The following PRKN variants were observed in gnomAD, a reference collection of about 807,000 sequenced individuals.
PRKN encodes parkin RBR E3 ubiquitin protein ligase, also known as E3 ubiquitin-protein ligase parkin.
PRKN carries 56 observed loss-of-function variants against 59.5 expected under a neutral mutation model. The observed-to-expected ratio is 0.94, with a 90% CI of 0.76 to 1.18. PRKN has a LOEUF of 1.18. PRKN is among the 50% of genes most tolerant of loss of function. The pLI, the probability that PRKN is intolerant of heterozygous loss-of-function variation, is 0.00. For missense variants in PRKN, 657 were observed against 596.4 expected (o/e 1.10, Z -1.06); for synonymous variants, 250 against 222.1 (o/e 1.13, Z -1.12).
intron 9 of PRKN, among the ~76,000 whole-genome samples, chr6:161,477,386 A>G (rs9346858): frequency 0.58 from 87,505 of 151,292 alleles, 26,519 homozygotes; most frequent in Middle Eastern, 0.71. Flanking sequence ...GCGTGGTGGC[A>G]CATGCCTATA....
intron 3 of PRKN, among the ~76,000 whole-genome samples, chr6:162,206,129 C>CA (rs1356456654): frequency 6.6e-6 from 1 of 152,136 alleles, no homozygotes; most frequent in African/African-American, 2.4e-5. Context: ...TTCTCGCCAT[C>CA]ATGTGCCCTT....
At chr6:161,374,645 G>A in intron 10 of PRKN, among the ~76,000 whole-genome samples, 1 of 150,958 alleles carries the variant, frequency 6.6e-6, no homozygotes, top group Non-Finnish European at 1.5e-5. Context: ...TATGTGTGGT[G>A]TGTGTGTATG....
chr6:162,013,685 A>T (rs1242233188), intron 5 of PRKN, among the ~76,000 whole-genome samples: 1 of 152,200 alleles, frequency 6.6e-6, no homozygotes, highest in Non-Finnish European at 1.5e-5. Context: ...TGACACTGAT[A>T]AATCTGACTC....
intron 1 of PRKN, among the ~76,000 whole-genome samples, chr6:162,530,763 T>C (rs1022051556): frequency 6.6e-6 from 1 of 152,102 alleles, no homozygotes. Flanking sequence ...GAAAAGTAAG[T>C]TAAAAAGTAT....
chr6:161,739,743 AT>A (rs1346491508), intron 7 of PRKN, among the ~76,000 whole-genome samples: 2 of 151,088 alleles, frequency 1.3e-5, no homozygotes, highest in Non-Finnish European at 3.0e-5. Flanking sequence ...ACATGTAACA[AT>A]TTTTTTTCTT....
At chr6:162,211,649 A>G (rs1265648212) in intron 3 of PRKN, among the ~76,000 whole-genome samples, 1 of 152,188 alleles carries the variant, frequency 6.6e-6, no homozygotes, top group Non-Finnish European at 1.5e-5. Flanking sequence ...TTCTTTGTTC[A>G]TCTTCAATAG....
chr6:162,209,442 A>G (rs1056439655), intron 3 of PRKN, among the ~76,000 whole-genome samples: 1 of 152,206 alleles, frequency 6.6e-6, no homozygotes, highest in Non-Finnish European at 1.5e-5. Context: ...ATCACTAAAA[A>G]GTCAGAAAAC....
chr6:162,197,852 T>C (rs776430609), intron 4 of PRKN, among the ~76,000 whole-genome samples: 2 of 152,212 alleles, frequency 1.3e-5, no homozygotes, highest in Admixed American at 1.3e-4. Flanking sequence ...CGAATACAAA[T>C]GCTATTTATT....
rs1165112634 is a variant in PRKN, at chr6:161,525,220, C to T, written c.1083+23634G>A. On this transcript the variant is annotated intron_variant, in intron 9 of 11. Transcript: ENST00000366898. The surrounding 1 kb of genome is among the most constrained non-coding windows in gnomAD (Gnocchi z 4.7). ...GCCATAAGGATATATAGTATAAAGC[C>T]ATCCTTTATAAAACAGGACAACAAA... Among the ~76,000 whole-genome samples the T allele has an allele frequency of 6.6e-6, 1 of 151,768 alleles. No homozygotes were observed. The highest frequency in any genetic ancestry group is 2.4e-5 in the African/African-American group (1 of 41,296).
intron 1 of PRKN, among the ~76,000 whole-genome samples, chr6:162,546,604 C>T (rs896812118): frequency 4.6e-5 from 7 of 151,742 alleles, no homozygotes; most frequent in African/African-American, 7.3e-5. Context: ...CCACCACGCC[C>T]GGCTAATTTT....
At chr6:161,871,499 A>G (rs1416730524) in intron 6 of PRKN, among the ~76,000 whole-genome samples, 1 of 152,138 alleles carries the variant, frequency 6.6e-6, no homozygotes, top group African/African-American at 2.4e-5. Context: ...AGGATGTTGC[A>G]CTCTACTTTA....
rs191907487 is a variant in PRKN, at chr6:161,716,615, G to C, written c.871+69157C>G. ...TTTTATGTGCAAGGTGTCTCAAGAG[G>C]GGGGGAAAAGAAACAAAGGCTATGT... On this transcript the variant is annotated intron_variant, in intron 7 of 11. Coordinates refer to ENST00000366898, the MANE Select transcript of PRKN (RefSeq NM_004562.3). Among the ~76,000 whole-genome samples, 49 of 152,306 alleles carry C rather than the reference G, an allele frequency of 3.2e-4. 1 individual carries two copies. The highest frequency in any genetic ancestry group is 3.4e-3 in the Middle Eastern group (1 of 294).
At chr6:162,208,187 C>T (rs1453898918) in intron 3 of PRKN, among the ~76,000 whole-genome samples, 3 of 152,200 alleles carry the variant, frequency 2.0e-5, no homozygotes, top group Non-Finnish European at 4.4e-5. Context: ...TCACTCCAAA[C>T]CTTGTCCAAT....
chr6:162,513,916 C>T (rs146984875), intron 1 of PRKN, among the ~76,000 whole-genome samples: 4 of 151,830 alleles, frequency 2.6e-5, no homozygotes, highest in African/African-American at 9.7e-5. Flanking sequence ...TATGGTGATG[C>T]GTGCCTGTAG....
chr6:161,484,746 C>G lies in PRKN; in HGVS notation c.1083+64108G>C, dbSNP rs187694965. 1.9e-4 allele frequency among the ~76,000 whole-genome samples: 29 copies of G among 152,304 alleles called. No homozygotes were observed. In the East Asian group the frequency reaches 5.2e-3, roughly 27 times the overall value. On this transcript the variant is annotated intron_variant, in intron 9 of 11. Transcript: ENST00000366898. This position sits in a 1 kb window ranked among gnomAD's most constrained non-coding sequence, Gnocchi z 4.9. The stretch of plus-strand genomic sequence containing the variant: ...GCCTCTACCCGCTAGATGCTAGAAG[C>G]ATCCCCCTGTTGTGATGACCAAAAC...
At chr6:161,731,354 T>C (rs1230341481) in intron 7 of PRKN, among the ~76,000 whole-genome samples, 1 of 152,240 alleles carries the variant, frequency 6.6e-6, no homozygotes, top group Non-Finnish European at 1.5e-5. Flanking sequence ...TTGATATCTT[T>C]CCTGCTACTC....
At chr6:162,000,759 C>G (rs1252350973) in intron 5 of PRKN, among the ~76,000 whole-genome samples, 1 of 151,732 alleles carries the variant, frequency 6.6e-6, no homozygotes, top group Non-Finnish European at 1.5e-5. Flanking sequence ...TCCAGTGTTA[C>G]TTTCTCGGAG....
chr6:162,676,189 GA>G (rs1468148947), intron 1 of PRKN, among the ~76,000 whole-genome samples: 1 of 152,120 alleles, frequency 6.6e-6, no homozygotes, highest in Non-Finnish European at 1.5e-5. Flanking sequence ...GGATTCTAGT[GA>G]ATGTTTACTA....
intron 7 of PRKN, among the ~76,000 whole-genome samples, chr6:161,591,026 GATC>G (rs1270402018): frequency 2.6e-5 from 4 of 152,046 alleles, no homozygotes; most frequent in African/African-American, 9.7e-5. Flanking sequence ...TCCTGACTTC[GATC>G]ATTATACTGT....
Sources: allele counts gnomAD v4.1 joint callset (sites outside exome capture counted in the v4.1 genomes callset), GRCh38; gene constraint gnomAD v4.1.1; non-coding constraint Gnocchi (gnomAD v3.1); transcripts MANE v1.5; gene names NCBI Gene and HGNC (gene_info 2026-07-23, HGNC 2026-07-21).